Variants in CCNE1 observed in about 807,000 individuals in gnomAD.
CCNE1 encodes G1/S-specific cyclin-E1.
In CCNE1, 8 loss-of-function variants were observed where a neutral mutation model predicts 54.1. The observed-to-expected ratio is 0.15, with a 90% CI of 0.09 to 0.27. The LOEUF (loss-of-function observed/expected upper bound fraction) is 0.27. Among genes scored for constraint, CCNE1 ranks in the 10% least tolerant of loss-of-function variants. CCNE1 has a pLI of 1.00. For synonymous variants in CCNE1, 179 were observed against 185.2 expected (o/e 0.97, Z 0.27); for missense variants, 430 against 514.9 (o/e 0.84, Z 1.60).
chr19:29,822,507 A>G lies in CCNE1; in HGVS notation c.1014A>G (p.Ile338Met), dbSNP rs768311443. The G allele has an allele frequency of 1.9e-6, 3 of 1,614,124 alleles. No homozygotes were observed. The highest frequency in any genetic ancestry group is 2.2e-5 in the South Asian group (2 of 91,076). ...GGATGGTTCCATTTGCCATGGTTAT[A>G]AGGGAGACGGGGAGCTCAAAACTGA... ...VKWMVPFAMV[I>M]RETGSSKLKH... Residue 338 changes from isoleucine to methionine, a missense_variant, in exon 11 of 12, where the codon ATA becomes ATG. Coordinates refer to ENST00000262643, the MANE Select transcript of CCNE1 (RefSeq NM_001238.4).
chr19:29,813,292 G>A (rs752530645), intron 4 of CCNE1: 17 of 530,124 alleles, frequency 3.2e-5, no homozygotes, highest in Admixed American at 2.3e-4. Context: ...GGAAGAACCA[G>A]AATGGACATC....
chr19:29,817,883 T>A (rs10402693), intron 6 of CCNE1, among the ~76,000 whole-genome samples: 2 of 128,766 alleles, frequency 1.6e-5, no homozygotes, highest in Non-Finnish European at 1.6e-5. Context: ...TTTTTTGAGA[T>A]GGAGTCTTGC....
At chr19:29,812,606 G>C in intron 2 of CCNE1, 28 bp downstream of exon 2, 5 of 1,523,730 alleles carry the variant, frequency 3.3e-6, no homozygotes, top group Non-Finnish European at 4.4e-6. Flanking sequence ...GGGGCCGGAC[G>C]GGACGGGACG....
At position 29,821,517 on chromosome 19, in the gene CCNE1, A is replaced by G. The variant is rs530420794; in HGVS notation, c.610-205A>G. On this transcript the variant is annotated intron_variant, in intron 7 of 11. Transcript: ENST00000262643. ...CCCACAATGAGTCAAAGTTCCATCC[A>G]TTTATTTAATGGTGGGTGGGAGTTG... 9.7e-4 allele frequency among the ~76,000 whole-genome samples: 144 copies of G among 148,000 alleles called. 1 individual carries two copies. Among genetic ancestry groups the G allele is most frequent in the African/African-American group, 3.4e-3 (137 of 40,184 alleles).
At position 29,822,894 on chromosome 19, in the gene CCNE1, A is replaced by G. The variant is rs531999246; in HGVS notation, c.1110+291A>G. Among the ~76,000 whole-genome samples the G allele has an allele frequency of 5.3e-5, 8 of 151,834 alleles. 1 individual carries two copies. Among genetic ancestry groups the G allele is most frequent in the African/African-American group, 1.9e-4 (8 of 41,390 alleles). Reference sequence around the variant, plus strand: ...GGGAGGCGGAGGTTGCAGTGCGTTGAGATCACGCCACTGCACTCCAGCCTG... The same window carrying G: ...GGGAGGCGGAGGTTGCAGTGCGTTGGGATCACGCCACTGCACTCCAGCCTG... On this transcript the variant is annotated intron_variant, in intron 11 of 11. Coordinates refer to ENST00000262643, the MANE Select transcript of CCNE1 (RefSeq NM_001238.4).
intron 4 of CCNE1, chr19:29,813,257 G>A (rs1489460195): frequency 5.2e-6 from 3 of 578,790 alleles, no homozygotes; most frequent in East Asian, 5.7e-5. Flanking sequence ...GGCACCGTCT[G>A]AGATTACAGA....
intron 4 of CCNE1, among the ~76,000 whole-genome samples, chr19:29,815,641 G>T (rs868764638): frequency 8.6e-4 from 70 of 81,060 alleles, no homozygotes; most frequent in African/African-American, 1.6e-3. Context: ...TTTTTTTTTT[G>T]GGGGGGGGAC....
chr19:29,812,601 C>T (rs1295990515), intron 2 of CCNE1, 23 bp downstream of exon 2: 5 of 1,533,556 alleles, frequency 3.3e-6, no homozygotes, highest in South Asian at 1.2e-5. Flanking sequence ...GCCGCGGGGC[C>T]GGACGGGACG....
chr19:29,823,071 A>G (rs1356065890), intron 11 of CCNE1, among the ~76,000 whole-genome samples: 6 of 151,498 alleles, frequency 4.0e-5, no homozygotes, highest in Non-Finnish European at 5.9e-5. Context: ...GTATCTCACT[A>G]TCATATAGAC....
intron 11 of CCNE1, among the ~76,000 whole-genome samples, chr19:29,823,253 T>A (rs2145731499): frequency 6.6e-6 from 1 of 151,936 alleles, no homozygotes; most frequent in Middle Eastern, 3.4e-3. Context: ...CCTAAAAAAT[T>A]TAAAAACTAG....
At chr19:29,812,439 C>T (rs1973911589) in intron 1 of CCNE1, 93 bp from the exon 2 acceptor site, 1 of 903,016 alleles carries the variant, frequency 1.1e-6, no homozygotes, top group East Asian at 3.8e-5. Flanking sequence ...CGGCCATCTT[C>T]CTGGCTCGCC....
chr19:29,814,687 G>A (rs1391616658), intron 4 of CCNE1, among the ~76,000 whole-genome samples: 1 of 152,130 alleles, frequency 6.6e-6, no homozygotes, highest in Non-Finnish European at 1.5e-5. Context: ...TTTCTCTGGA[G>A]TTATCATAAT....
intron 4 of CCNE1, 68 bp from the exon 5 acceptor site, chr19:29,817,069 A>G (rs920427774): frequency 1.2e-5 from 18 of 1,498,168 alleles, no homozygotes; most frequent in Non-Finnish European, 1.6e-5. Context: ...TGAATTTGTA[A>G]TGTTTTTGGG....
In CCNE1 at chr19:29,821,808, G is replaced by T. The variant is rs1254177499; in HGVS notation, c.696G>T (p.Met232Ile). 1.2e-6 allele frequency: 2 copies of T among 1,609,514 alleles called. No homozygotes were observed. The highest frequency in any genetic ancestry group is 1.7e-5 in the Admixed American group (1 of 59,998). ...SGDEILTMEL[M>I]IMKALKWRLS... ...ATGAAATTCTCACCATGGAATTAAT[G>T]ATTATGAAGGTGGGTTCCAGTGAAT... The change falls in exon 8 of 12, where the codon ATG becomes ATT. Residue 232 changes from methionine to isoleucine, a missense_variant. Met to Ile is a conservative substitution (Grantham distance 10, BLOSUM62 1). Transcript: ENST00000262643.
chr19:29,813,004 C>T lies in CCNE1; in HGVS notation c.147C>T (p.Ile49=), dbSNP rs1426540908. 6.2e-7 allele frequency: 1 copy of T among 1,614,108 alleles called. No individual in the cohort carries two copies. The highest frequency in any genetic ancestry group is 1.3e-5 in the African/African-American group (1 of 75,014). ...LQDPDEEMAK[I]DRTARDQCGS... is the part of the protein sequence containing the mutation. ...ATCCAGATGAAGAAATGGCCAAAAT[C>T]GACAGGACGGCGAGGGACCAGTGTG... is the stretch of plus-strand genomic sequence containing the variant. Residue 49 remains isoleucine, a synonymous_variant, in exon 4 of 12, where the codon ATC becomes ATT. Transcript: ENST00000262643.
Position 29,817,118 on chromosome 19 carries a change from G to T in CCNE1, c.181-19G>T, listed in dbSNP as rs200391933. 78 of 1,612,664 alleles carry T rather than the reference G, an allele frequency of 4.8e-5. No individual in the cohort carries two copies. The Admixed American group carries it at 1.3e-3, about 26-fold the overall frequency. ...GTTTGCATCTTATCTCACCTCTCCT[G>T]TGTATTTTTCATTTACAGCCTTGGG... On this transcript the variant is annotated intron_variant, in intron 4 of 11. Coordinates refer to ENST00000262643, the MANE Select transcript of CCNE1 (RefSeq NM_001238.4).
chr19:29,821,980 C>T lies in CCNE1; in HGVS notation c.706-16C>T. 1 of 1,601,638 alleles carries T rather than the reference C, an allele frequency of 6.2e-7. No individual in the cohort carries two copies. Among genetic ancestry groups the T allele is most frequent in the Non-Finnish European group, 8.5e-7 (1 of 1,173,246 alleles). Reference sequence around the variant, plus strand: ...TTTCTCAATCATCGGTCTCTTTTCTCTCTGTTTTCCTTTAGGCCCTTAAGT... The same window carrying T: ...TTTCTCAATCATCGGTCTCTTTTCTTTCTGTTTTCCTTTAGGCCCTTAAGT... On this transcript the variant is annotated splice_polypyrimidine_tract_variant and intron_variant, in intron 8 of 11. Coordinates refer to ENST00000262643, the MANE Select transcript of CCNE1 (RefSeq NM_001238.4).
At position 29,822,537 on chromosome 19, in the gene CCNE1, C is replaced by A. The variant is rs760662828; in HGVS notation, c.1044C>A (p.His348Gln). 5.0e-6 allele frequency: 8 copies of A among 1,613,990 alleles called. No homozygotes were observed. Among genetic ancestry groups the A allele is most frequent in the Non-Finnish European group, 1.7e-6 (2 of 1,180,032 alleles). ...IRETGSSKLK[H>Q]FRGVADEDAH... ...AGACGGGGAGCTCAAAACTGAAGCA[C>A]TTCAGGGGCGTCGCTGATGAAGATG... The change falls in exon 11 of 12, where the codon CAC becomes CAA. Residue 348 changes from histidine to glutamine, a missense_variant. Physicochemically the swap from His to Gln is conservative, Grantham distance 24. Around this residue, in one of 2 missense-constraint regions of CCNE1, gnomAD observed 303 missense variants for 401.1 expected, o/e 0.76. Transcript: ENST00000262643.
intron 5 of CCNE1, 60 bp downstream of exon 5, chr19:29,817,342 C>G: frequency 1.2e-6 from 2 of 1,613,396 alleles, no homozygotes; most frequent in Non-Finnish European, 1.7e-6. Flanking sequence ...CCCTTTATCC[C>G]TCATAGCATG....
Sources: allele counts gnomAD v4.1 joint callset (sites outside exome capture counted in the v4.1 genomes callset), GRCh38; gene constraint gnomAD v4.1.1; regional missense constraint gnomAD v4.1.1; transcripts MANE v1.5; gene names NCBI Gene and HGNC (gene_info 2026-07-23, HGNC 2026-07-21).